The following NKAIN2 variants were observed in gnomAD, a reference collection of about 807,000 sequenced individuals.
The protein encoded by NKAIN2 is sodium/potassium-transporting ATPase subunit beta-1-interacting protein 2.
A neutral mutation model predicts 32.6 loss-of-function variants in NKAIN2; 14 were observed. That is an observed-to-expected ratio of 0.43 (90% confidence interval 0.28 to 0.67). The LOEUF is 0.67. Among genes scored for constraint, NKAIN2 ranks in the 30% least tolerant of loss-of-function variants. NKAIN2 has a pLI of 0.17. For missense variants in NKAIN2, 198 were observed against 258.3 expected, an observed-to-expected ratio of 0.77 and a Z score of 1.60; for synonymous variants, 80 against 87.2, an observed-to-expected ratio of 0.92 and a Z score of 0.46.
intron 1 of NKAIN2, among the ~76,000 whole-genome samples, chr6:123,937,441 T>A (rs1219937846): frequency 6.6e-6 from 1 of 152,076 alleles, no homozygotes; most frequent in Non-Finnish European, 1.5e-5. Context: ...TGCTTTCTTT[T>A]AAAACTTGAG....
In NKAIN2 at chr6:123,804,199, C is replaced by A; in HGVS notation, c.-2C>A. 1 of 1,613,844 alleles carries A rather than the reference C, an allele frequency of 6.2e-7. No homozygotes were observed. Among genetic ancestry groups the A allele is most frequent in the South Asian group, 1.1e-5 (1 of 91,064 alleles). Reference sequence around the variant, plus strand: ...CTGGCTGTGGCAGGGGTCTCGGAAACCATGGGTTATTGCAGTGGCAGGTGC... The same window carrying A: ...CTGGCTGTGGCAGGGGTCTCGGAAAACATGGGTTATTGCAGTGGCAGGTGC... On this transcript the variant is annotated 5_prime_UTR_variant, in exon 1 of 7. Transcript: ENST00000368417.
At chr6:124,512,547 T>C (rs894530463) in intron 3 of NKAIN2, among the ~76,000 whole-genome samples, 3 of 152,160 alleles carry the variant, frequency 2.0e-5, no homozygotes, top group Non-Finnish European at 4.4e-5. Flanking sequence ...AAAATAGCTC[T>C]AAGGACATAA....
chr6:124,099,414 A>G (rs1359194681), intron 1 of NKAIN2, among the ~76,000 whole-genome samples: 1 of 152,248 alleles, frequency 6.6e-6, no homozygotes, highest in Non-Finnish European at 1.5e-5. Flanking sequence ...TGCTTTAATC[A>G]CAAAATTGCT....
At chr6:124,621,008 G>T (rs1783085943) in intron 3 of NKAIN2, among the ~76,000 whole-genome samples, 1 of 152,168 alleles carries the variant, frequency 6.6e-6, no homozygotes, top group Admixed American at 6.5e-5. Context: ...AATCCTGTTT[G>T]TGTGTTAGTC....
At chr6:124,571,012 G>A (rs1022413504) in intron 3 of NKAIN2, among the ~76,000 whole-genome samples, 1 of 152,170 alleles carries the variant, frequency 6.6e-6, no homozygotes, top group Non-Finnish European at 1.5e-5. Context: ...TGTGAGACCT[G>A]GGGTCAAAGG....
At chr6:123,811,236 TTAAA>T (rs1027218554) in intron 1 of NKAIN2, among the ~76,000 whole-genome samples, 12 of 152,272 alleles carry the variant, frequency 7.9e-5, no homozygotes, top group African/African-American at 2.9e-4. Flanking sequence ...ATTCAGAAGT[TTAAA>T]TAGGAGAAAT....
rs1554222343 is a variant in NKAIN2 at position 123,911,787 on chromosome 6, A to ATATATATATATGTATATATATATATG, written c.54+107544_54+107545insGTATATATATATATGTATATATATAT. On this transcript the variant is annotated intron_variant, in intron 1 of 6. Transcript: ENST00000368417. ...GTCGTATATATACATACATACATATATATATATATATATGTATATATATAT... is the reference window on the plus strand; with the variant it reads ...GTCGTATATATACATACATACATATATATATATATATGTATATATATATATGTATATATATATATGTATATATATAT... 1.0e-3 allele frequency among the ~76,000 whole-genome samples: 71 copies of ATATATATATATGTATATATATATATG among 71,234 alleles called. 12 individuals carry two copies. In the East Asian group the frequency reaches 0.019, roughly 19 times the overall value. The allele number at this position is 71,234 out of a possible 152,430, so 46.7% of individuals were successfully genotyped here.
chr6:124,283,375 T>C (rs2114922722), intron 2 of NKAIN2: 1 of 313,408 alleles, frequency 3.2e-6, no homozygotes, highest in African/African-American at 2.1e-5. Flanking sequence ...ATTTGTACTT[T>C]CAGCGAATAG....
intron 3 of NKAIN2, among the ~76,000 whole-genome samples, chr6:124,535,910 G>C (rs1158833441): frequency 2.6e-5 from 4 of 152,192 alleles, no homozygotes; most frequent in Non-Finnish European, 4.4e-5. Context: ...TGAAGCAACA[G>C]TTCTGGCTTC....
chr6:124,805,172 T>A (rs1441922923), intron 5 of NKAIN2, among the ~76,000 whole-genome samples: 1 of 152,182 alleles, frequency 6.6e-6, no homozygotes, highest in Non-Finnish European at 1.5e-5. Flanking sequence ...GATCTGAGAA[T>A]GGGCAGAATG....
At chr6:124,751,784 A>C (rs951962672) in intron 4 of NKAIN2, among the ~76,000 whole-genome samples, 4 of 151,104 alleles carry the variant, frequency 2.6e-5, no homozygotes, top group African/African-American at 9.7e-5. Flanking sequence ...TTGGAGACCA[A>C]CCTGGGTAAC....
intron 1 of NKAIN2, among the ~76,000 whole-genome samples, chr6:124,139,636 G>A (rs1454090159): frequency 6.6e-6 from 1 of 151,962 alleles, no homozygotes; most frequent in African/African-American, 2.4e-5. Flanking sequence ...AGTGATAAAA[G>A]CTCAAAATCA....
At chr6:124,180,181 C>A (rs1789371151) in intron 1 of NKAIN2, among the ~76,000 whole-genome samples, 1 of 151,866 alleles carries the variant, frequency 6.6e-6, no homozygotes, top group Non-Finnish European at 1.5e-5. Context: ...GATATAAATA[C>A]CTAATTGTAT....
At chr6:124,774,575 G>T (rs1013506301) in intron 4 of NKAIN2, among the ~76,000 whole-genome samples, 1 of 152,070 alleles carries the variant, frequency 6.6e-6, no homozygotes. Context: ...CAACACCTTG[G>T]CTGGGCACGG....
chr6:123,866,462 G>C (rs1427320057), intron 1 of NKAIN2, among the ~76,000 whole-genome samples: 5 of 151,852 alleles, frequency 3.3e-5, no homozygotes, highest in African/African-American at 1.2e-4. Context: ...ACGGAGTCTC[G>C]CTCTGTCGTC....
rs777466801 is a variant in NKAIN2 at position 123,849,949 on chromosome 6, G to GTTTTTTTTTT, written c.54+45698_54+45707dup. On this transcript the variant is annotated intron_variant, in intron 1 of 6. Coordinates refer to ENST00000368417, the MANE Select transcript of NKAIN2 (RefSeq NM_001040214.3). ...TGGTTTCACTCTGTAACTCAGGCTG[G>GTTTTTTTTTT]TTTTTTTTTTTTGTTTGTTTGTTTT... is the stretch of plus-strand genomic sequence containing the variant. 2.2e-3 allele frequency among the ~76,000 whole-genome samples: 86 copies of GTTTTTTTTTT among 38,682 alleles called. 7 individuals carry two copies. The highest frequency in any genetic ancestry group is 3.2e-3 in the African/African-American group (77 of 24,316). The allele number at this position is 38,682 out of a possible 152,430, so 25.4% of individuals were successfully genotyped here. A position where few individuals can be genotyped will look rare whatever the true frequency, so the allele number is the denominator to read the frequency against.
At chr6:124,361,710 G>A (rs180872095) in intron 3 of NKAIN2, among the ~76,000 whole-genome samples, 29 of 152,134 alleles carry the variant, frequency 1.9e-4, no homozygotes, top group African/African-American at 6.0e-4. Context: ...TAACAATGTG[G>A]CTTATTTAAG....
intron 3 of NKAIN2, among the ~76,000 whole-genome samples, chr6:124,415,878 C>CTTTTTTTTTTT: frequency 1.4e-4 from 10 of 72,590 alleles, no homozygotes; most frequent in Admixed American, 1.8e-4. Context: ...TTTTTATTTG[C>CTTTTTTTTTTT]TTTTTTTTTT....
intron 3 of NKAIN2, among the ~76,000 whole-genome samples, chr6:124,438,809 AT>A (rs1775569389): frequency 6.6e-6 from 1 of 151,938 alleles, no homozygotes; most frequent in Non-Finnish European, 1.5e-5. Flanking sequence ...TTCTTGAAAC[AT>A]TTTCTTTCCT....
Sources: allele counts gnomAD v4.1 joint callset (sites outside exome capture counted in the v4.1 genomes callset), GRCh38; gene constraint gnomAD v4.1.1; transcripts MANE v1.5; gene names NCBI Gene and HGNC (gene_info 2026-07-23, HGNC 2026-07-21).